Variants in ZFR observed in about 807,000 individuals in gnomAD.
The protein encoded by ZFR is zinc finger RNA binding protein, also known as zinc finger RNA-binding protein.
ZFR carries 19 observed loss-of-function variants against 130.7 expected under a neutral mutation model. The observed-to-expected ratio is 0.15, with a 90% CI of 0.10 to 0.21. The LOEUF (loss-of-function observed/expected upper bound fraction) is 0.21, where lower values mean the gene tolerates loss of function less well. ZFR is among the 10% of genes least tolerant of loss of function. ZFR has a pLI of 1.00. For missense variants in ZFR, 872 were observed against 1,321.5 expected, an observed-to-expected ratio of 0.66 and a Z score of 5.27; for synonymous variants, 466 against 456.9, an observed-to-expected ratio of 1.02 and a Z score of -0.25.
chr5:32,419,648 C>A (rs1347268850), intron 3 of ZFR, among the ~76,000 whole-genome samples, 173 bp downstream of exon 3: 1 of 152,112 alleles, frequency 6.6e-6, no homozygotes, highest in Admixed American at 6.6e-5. Context: ...GGCAAGGAAC[C>A]TTAATGGTTG....
rs1308751281 is a variant in ZFR at position 32,378,974 on chromosome 5, C to A, written c.2835+141G>T. The A allele has an allele frequency of 1.1e-5, 6 of 568,296 alleles. No homozygotes were observed. The South Asian group carries it at 1.4e-4, about 14-fold the overall frequency. 35.2% of individuals were successfully genotyped at this position (568,296 alleles called of 1,614,324 possible). ...TGAGAAAATTAAACATTCTAAGACT[C>A]CCCCAGGATTTTTCATCAGAAAAGA... is the stretch of plus-strand genomic sequence containing the variant. On this transcript the variant is annotated intron_variant, in intron 17 of 19. Transcript: ENST00000265069.
At chr5:32,382,130 C>T (rs373700640) in intron 15 of ZFR, among the ~76,000 whole-genome samples, 17 of 152,230 alleles carry the variant, frequency 1.1e-4, no homozygotes, top group African/African-American at 4.1e-4. Flanking sequence ...GGTGAAACTC[C>T]ATTCCTACTC....
chr5:32,377,342 C>G (rs913568647), intron 17 of ZFR, among the ~76,000 whole-genome samples: 1 of 151,032 alleles, frequency 6.6e-6, no homozygotes, highest in Admixed American at 6.6e-5. Flanking sequence ...AAGCGATTCT[C>G]CTGCCTCAGC....
At chr5:32,399,428 T>C (rs1032104383) in intron 9 of ZFR, among the ~76,000 whole-genome samples, 1 of 152,206 alleles carries the variant, frequency 6.6e-6, no homozygotes, top group African/African-American at 2.4e-5. Context: ...AAAACATATA[T>C]GCTCTAAAGT....
chr5:32,427,612 AT>A (rs879277147), intron 2 of ZFR, among the ~76,000 whole-genome samples: 2 of 151,036 alleles, frequency 1.3e-5, no homozygotes, highest in Non-Finnish European at 1.5e-5. Flanking sequence ...AATCCCAGTG[AT>A]TTTTTTTTGC....
chr5:32,366,822 C>G (rs1256448567), intron 17 of ZFR, among the ~76,000 whole-genome samples: 3 of 151,144 alleles, frequency 2.0e-5, no homozygotes, highest in African/African-American at 7.3e-5. Flanking sequence ...GAAAAAGCTC[C>G]CCATATTAAA....
At chr5:32,384,831 A>T (rs995092127) in intron 15 of ZFR, among the ~76,000 whole-genome samples, 1 of 152,148 alleles carries the variant, frequency 6.6e-6, no homozygotes, top group African/African-American at 2.4e-5. Flanking sequence ...GTTGTAAATT[A>T]AGTTTAAAAA....
chr5:32,397,365 T>C (rs1303101992), intron 9 of ZFR, 27 bp from the exon 10 acceptor site: 2 of 1,607,242 alleles, frequency 1.2e-6, no homozygotes, highest in Admixed American at 1.7e-5. Flanking sequence ...AATTCAAGAA[T>C]CATCATAGTT....
At chr5:32,370,503 G>T (rs182763950) in intron 17 of ZFR, among the ~76,000 whole-genome samples, 22 of 152,130 alleles carry the variant, frequency 1.4e-4, no homozygotes, top group African/African-American at 5.1e-4. Context: ...CTCCTGAGTA[G>T]CTGGGACTAC....
chr5:32,380,802 C>T (rs183788564), intron 15 of ZFR, among the ~76,000 whole-genome samples: 52 of 151,880 alleles, frequency 3.4e-4, no homozygotes, highest in African/African-American at 1.2e-3. Context: ...GTGTGCACCA[C>T]CACACCAGGC....
intron 2 of ZFR, among the ~76,000 whole-genome samples, chr5:32,430,595 C>T (rs1754186224): frequency 6.6e-6 from 1 of 151,980 alleles, no homozygotes; most frequent in African/African-American, 2.4e-5. Flanking sequence ...TGTTCAGATT[C>T]AGGAGTCCCA....
At chr5:32,421,094 C>T (rs571234403) in intron 2 of ZFR, among the ~76,000 whole-genome samples, 1 of 152,128 alleles carries the variant, frequency 6.6e-6, no homozygotes, top group Non-Finnish European at 1.5e-5. Flanking sequence ...AAACTGAAAG[C>T]CTATATCACT....
chr5:32,373,210 T>C (rs563972962), intron 17 of ZFR, among the ~76,000 whole-genome samples: 2 of 152,218 alleles, frequency 1.3e-5, no homozygotes, highest in South Asian at 2.1e-4. Flanking sequence ...CTGGCCAACA[T>C]GGTGAAAACC....
chr5:32,397,439 A>C, intron 9 of ZFR, 101 bp from the exon 10 acceptor site: 1 of 1,422,652 alleles, frequency 7.0e-7, no homozygotes, highest in South Asian at 1.4e-5. Flanking sequence ...GTTAGAAAGA[A>C]GTGGCAATGT....
At chr5:32,391,019 T>C (rs1426741207) in intron 11 of ZFR, among the ~76,000 whole-genome samples, 1 of 152,200 alleles carries the variant, frequency 6.6e-6, no homozygotes, top group Non-Finnish European at 1.5e-5. Flanking sequence ...GTCCCCACCA[T>C]TCTCATCGCC....
chr5:32,396,306 A>T (rs532996818), intron 10 of ZFR, among the ~76,000 whole-genome samples: 25 of 152,172 alleles, frequency 1.6e-4, no homozygotes, highest in African/African-American at 4.8e-4. Flanking sequence ...TTATAAACAG[A>T]TGACTCTAAA....
chr5:32,403,890 G>C lies in ZFR; in HGVS notation c.1224+16C>G. On this transcript the variant is annotated intron_variant, in intron 7 of 19. Coordinates refer to ENST00000265069, the MANE Select transcript of ZFR (RefSeq NM_016107.5). ...CAGAATCAAGGCATAAGGGTGTGTG[G>C]GAAAAAAACACCTACTTTCTGATGC... 2 of 1,556,702 alleles carry C rather than the reference G, an allele frequency of 1.3e-6. No individual in the cohort carries two copies. The highest frequency in any genetic ancestry group is 1.7e-6 in the Non-Finnish European group (2 of 1,149,084).
At chr5:32,374,492 G>A (rs1345962629) in intron 17 of ZFR, among the ~76,000 whole-genome samples, 2 of 151,896 alleles carry the variant, frequency 1.3e-5, no homozygotes, top group African/African-American at 4.8e-5. Flanking sequence ...TACAGAGCGA[G>A]ACTCCATTTC....
chr5:32,415,201 G>A lies in ZFR; in HGVS notation c.566-14C>T. On this transcript the variant is annotated splice_polypyrimidine_tract_variant and intron_variant, in intron 4 of 19. Coordinates refer to ENST00000265069, the MANE Select transcript of ZFR (RefSeq NM_016107.5). ...CTGCTTTGGGGGCTGAAGTAGGAAA[G>A]AGACATCAGAAAATTAGAAGAGTAA... 1 of 1,611,712 alleles carries A rather than the reference G, an allele frequency of 6.2e-7. No homozygotes were observed. The highest frequency in any genetic ancestry group is 8.5e-7 in the Non-Finnish European group (1 of 1,178,218).
Sources: allele counts gnomAD v4.1 joint callset (sites outside exome capture counted in the v4.1 genomes callset), GRCh38; gene constraint gnomAD v4.1.1; transcripts MANE v1.5; gene names NCBI Gene and HGNC (gene_info 2026-07-23, HGNC 2026-07-21).